The following KCTD16 variants were observed in gnomAD, a reference collection of about 807,000 sequenced individuals.
KCTD16 encodes the protein potassium channel tetramerization domain containing 16.
KCTD16 carries 13 observed loss-of-function variants against 33.2 expected under a neutral mutation model. The ratio of observed to expected loss-of-function variants is 0.39; its 90% CI spans 0.25 to 0.62. KCTD16 has a LOEUF of 0.62. Among genes scored for constraint, KCTD16 ranks in the 20% least tolerant of loss-of-function variants. The pLI, the probability that KCTD16 is intolerant of heterozygous loss-of-function variation, is 0.50. For synonymous variants in KCTD16, 197 were observed against 195.3 expected, an observed-to-expected ratio of 1.01 and a Z score of -0.07; for missense variants, 441 against 525.1, an observed-to-expected ratio of 0.84 and a Z score of 1.57.
intron 3 of KCTD16, among the ~76,000 whole-genome samples, chr5:144,303,025 T>C (rs1751486498): frequency 6.6e-6 from 1 of 152,238 alleles, no homozygotes; most frequent in South Asian, 2.1e-4. Flanking sequence ...CGATCATTCA[T>C]CCAGTCTTTC....
rs1356904778 is a variant in KCTD16 at position 144,280,361 on chromosome 5, A to G, written c.832+72815A>G. 3.3e-5 allele frequency among the ~76,000 whole-genome samples: 5 copies of G among 152,186 alleles called. No homozygotes were observed. In the East Asian group the frequency reaches 7.7e-4, roughly 23 times the overall value. The stretch of plus-strand genomic sequence containing the variant: ...ATTAAAGTTTTTTTTTAAAATAGCT[A>G]TATAACTATTATAGTTATCTACTGT... On this transcript the variant is annotated intron_variant, in intron 3 of 3. Transcript: ENST00000512467.
intron 3 of KCTD16, among the ~76,000 whole-genome samples, chr5:144,216,064 T>C (rs1337596281): frequency 6.6e-6 from 1 of 152,198 alleles, no homozygotes; most frequent in Non-Finnish European, 1.5e-5. Flanking sequence ...TTTCGGAACC[T>C]AGAGTAATAT....
At chr5:144,178,279 T>A (rs1312866012) in intron 2 of KCTD16, among the ~76,000 whole-genome samples, 1 of 152,202 alleles carries the variant, frequency 6.6e-6, no homozygotes, top group Non-Finnish European at 1.5e-5. Context: ...AAATATGAAG[T>A]AGAACTATAA....
Position 144,481,710 on chromosome 5 carries a change from C to T in KCTD16, c.*7596C>T, listed in dbSNP as rs1425631530. ...CCAGCAAATATTTGTTGGGTACATACTATATATAGGTCACTGTCGTGAGCA... is the reference window on the plus strand; with the variant it reads ...CCAGCAAATATTTGTTGGGTACATATTATATATAGGTCACTGTCGTGAGCA... On this transcript the variant is annotated 3_prime_UTR_variant, in exon 4 of 4. Coordinates refer to ENST00000512467, the MANE Select transcript of KCTD16 (RefSeq NM_020768.4). 6.6e-6 allele frequency: 1 copy of T among 151,798 alleles called. No individual in the cohort carries two copies. Among genetic ancestry groups the T allele is most frequent in the East Asian group, 1.9e-4 (1 of 5,160 alleles). The allele number at this position is 151,798 out of a possible 1,614,324, so 9.4% of individuals were successfully genotyped here.
chr5:144,224,727 T>C (rs939956105), intron 3 of KCTD16, among the ~76,000 whole-genome samples: 5 of 152,206 alleles, frequency 3.3e-5, no homozygotes, highest in Admixed American at 6.5e-5. Flanking sequence ...TGACTCCAGA[T>C]AGAAATAATG....
rs367855290 is a variant in KCTD16 at position 144,207,482 on chromosome 5, A to C, written c.768A>C (p.Ala256=). 11 of 1,614,224 alleles carry C rather than the reference A, an allele frequency of 6.8e-6. No homozygotes were observed. The highest frequency in any genetic ancestry group is 8.5e-6 in the Non-Finnish European group (10 of 1,180,046). Reference sequence around the variant, plus strand: ...TGGCCTGTAACTCATCGGTGACAGCATCTTTCATCAACCAATATACAGATG... The same window carrying C: ...TGGCCTGTAACTCATCGGTGACAGCCTCTTTCATCAACCAATATACAGATG... The part of the protein sequence containing the change: ...HMVACNSSVT[A]SFINQYTDDK... Residue 256 remains alanine (A), a synonymous_variant, in exon 3 of 4, where the codon GCA becomes GCC. Transcript: ENST00000512467.
chr5:144,188,357 A>G (rs2126778208), intron 2 of KCTD16, among the ~76,000 whole-genome samples: 1 of 152,336 alleles, frequency 6.6e-6, no homozygotes, highest in South Asian at 2.1e-4. Context: ...ATGTCTGTCA[A>G]GAGAAAGTAC....
rs564948137 is a variant in KCTD16 at position 144,269,317 on chromosome 5, G to A, written c.832+61771G>A. 2.6e-5 allele frequency among the ~76,000 whole-genome samples: 4 copies of A among 152,030 alleles called. No homozygotes were observed. The South Asian group carries it at 8.3e-4, about 32-fold the overall frequency. The stretch of plus-strand genomic sequence containing the variant: ...ATTATAATCAGACTTTCAAGCTGAA[G>A]ACAAAGACAGAATTTTGAAAGCAAG... On this transcript the variant is annotated intron_variant, in intron 3 of 3. Transcript: ENST00000512467.
chr5:144,457,384 G>A (rs1030269974), intron 3 of KCTD16, among the ~76,000 whole-genome samples: 3 of 152,210 alleles, frequency 2.0e-5, no homozygotes, highest in Non-Finnish European at 2.9e-5. Flanking sequence ...GGGCACTGGA[G>A]TTAGGAATGG....
intron 3 of KCTD16, among the ~76,000 whole-genome samples, chr5:144,255,381 CTTTA>C (rs1290381376): frequency 6.6e-6 from 1 of 151,934 alleles, no homozygotes; most frequent in African/African-American, 2.4e-5. Context: ...TATGGTGGTT[CTTTA>C]TTTAAGTTTT....
At position 144,197,679 on chromosome 5, in the gene KCTD16, C is replaced by T. The variant is rs6888426; in HGVS notation, c.-326-8710C>T. 6.0e-3 allele frequency among the ~76,000 whole-genome samples: 915 copies of T among 152,114 alleles called. 4 individuals carry two copies. The highest frequency in any genetic ancestry group is 0.021 in the African/African-American group (879 of 41,486). On this transcript the variant is annotated intron_variant, in intron 2 of 3. Transcript: ENST00000512467. ...ATATTTAATAAAAGAAACTATATGC[C>T]CAAATAATTTGGGTGTAGTGAAAAA...
At chr5:144,186,177 A>T (rs1207283047) in intron 2 of KCTD16, among the ~76,000 whole-genome samples, 1 of 152,154 alleles carries the variant, frequency 6.6e-6, no homozygotes, top group Non-Finnish European at 1.5e-5. Context: ...GAAACAGAAT[A>T]ATTCATCAGT....
chr5:144,465,884 G>A (rs574601930), intron 3 of KCTD16, among the ~76,000 whole-genome samples: 1 of 149,052 alleles, frequency 6.7e-6, no homozygotes, highest in African/African-American at 2.5e-5. Flanking sequence ...TGTCACCCAG[G>A]CTGGAGTGCA....
chr5:144,259,257 C>CA (rs1166248798), intron 3 of KCTD16, among the ~76,000 whole-genome samples: 1,739 of 48,284 alleles, frequency 0.036, 134 homozygotes, highest in Middle Eastern at 0.069. Context: ...GACTCCATCT[C>CA]AAAAAAAAAA....
At chr5:144,315,016 A>G (rs1277829733) in intron 3 of KCTD16, among the ~76,000 whole-genome samples, 1 of 152,180 alleles carries the variant, frequency 6.6e-6, no homozygotes, top group East Asian at 1.9e-4. Context: ...TGTGGCTAAG[A>G]GACAGGATCC....
chr5:144,248,629 C>T (rs1223076042), intron 3 of KCTD16, among the ~76,000 whole-genome samples: 1 of 152,130 alleles, frequency 6.6e-6, no homozygotes, highest in Non-Finnish European at 1.5e-5. Flanking sequence ...ATTAGGAGGC[C>T]ATTCCAACCA....
chr5:144,372,243 T>A (rs549842185), intron 3 of KCTD16, among the ~76,000 whole-genome samples: 1 of 152,034 alleles, frequency 6.6e-6, no homozygotes, highest in Non-Finnish European at 1.5e-5. Context: ...ATAACAGTGG[T>A]ACCCATCTTA....
At chr5:144,268,290 A>G (rs1755201055) in intron 3 of KCTD16, among the ~76,000 whole-genome samples, 1 of 152,224 alleles carries the variant, frequency 6.6e-6, no homozygotes, top group Non-Finnish European at 1.5e-5. Flanking sequence ...ACAGAGGTAT[A>G]GGCAGCAATA....
intron 3 of KCTD16, among the ~76,000 whole-genome samples, chr5:144,462,057 AT>A (rs1293686038): frequency 6.6e-6 from 1 of 151,906 alleles, no homozygotes; most frequent in Non-Finnish European, 1.5e-5. Flanking sequence ...TCTGCTTGGG[AT>A]TTGATTCCGT....
Sources: allele counts gnomAD v4.1 joint callset (sites outside exome capture counted in the v4.1 genomes callset), GRCh38; gene constraint gnomAD v4.1.1; transcripts MANE v1.5; gene names NCBI Gene and HGNC (gene_info 2026-07-23, HGNC 2026-07-21).